CITED1: variants seen among roughly 807,000 people sequenced by gnomAD.
CITED1 encodes cbp/p300-interacting transactivator 1.
In CITED1, 3 loss-of-function variants were observed where a neutral mutation model predicts 8.5. The ratio of observed to expected loss-of-function variants is 0.35; its 90% CI spans 0.16 to 0.91. CITED1 has a LOEUF of 0.91. CITED1 is among the 40% of genes least tolerant of loss of function. The pLI is 0.46. For missense variants in CITED1, 113 were observed against 154.8 expected (o/e 0.73, Z 1.43); for synonymous variants, 54 against 67.4 (o/e 0.80, Z 0.97).
In CITED1 at chrX:72,302,909, T is replaced by A; in HGVS notation, c.-40A>T. ...AGAAGTTGGATAAATTGGCGGGAAGTGATGCTGCCAGCTGGAGCTGTTGTG... is the reference window on the plus strand; with the variant it reads ...AGAAGTTGGATAAATTGGCGGGAAGAGATGCTGCCAGCTGGAGCTGTTGTG... On this transcript the variant is annotated 5_prime_UTR_variant, in exon 2 of 3. Coordinates refer to ENST00000651998, the MANE Select transcript of CITED1 (RefSeq NM_001144887.2). 8.3e-7 allele frequency: 1 copy of A among 1,210,753 alleles called. No homozygotes were observed. The highest frequency in any genetic ancestry group is 2.2e-5 in the Admixed American group (1 of 46,027).
In CITED1 at chrX:72,301,744, C is replaced by A. The variant is rs773684544; in HGVS notation, c.561G>T (p.Ala187=). ...WLGQNEFDFT[A]DFPSSC is the part of the protein sequence containing the mutation. The stretch of plus-strand genomic sequence containing the variant: ...GGCATTAGCAGCTAGATGGAAAGTC[C>A]GCAGTGAAGTCAAACTCATTCTGCC... The change falls in exon 3 of 3, where the codon GCG becomes GCT. Residue 187 remains alanine, a synonymous_variant. Coordinates refer to ENST00000651998, the MANE Select transcript of CITED1 (RefSeq NM_001144887.2). The A allele has an allele frequency of 8.3e-7, 1 of 1,211,208 alleles. No individual in the cohort carries two copies. Among genetic ancestry groups the A allele is most frequent in the Non-Finnish European group, 1.1e-6 (1 of 895,018 alleles).
chrX:72,307,019 AC>A (rs765165865), upstream of CITED1: 1 of 107,540 alleles, frequency 9.3e-6, no homozygotes, highest in East Asian at 3.0e-4. Context: ...TGAACTGGAT[AC>A]TCACGGAGGG....
Position 72,302,160 on chromosome X carries a change from CA to C in CITED1, c.144del (p.Val50Ter). 1 of 1,199,380 alleles carries C rather than the reference CA, an allele frequency of 8.3e-7. No homozygotes were observed. Among genetic ancestry groups the C allele is most frequent in the Admixed American group, 2.3e-5 (1 of 44,278 alleles). On this transcript the variant is annotated frameshift_variant, in exon 3 of 3. Transcript: ENST00000651998. LOFTEE classifies it high-confidence loss of function. ...GCCTTGGTTCCATTTGAGGCTACCC[CA>C]GGGTAGTGCAGAATGGCCACTGCTT... Reference protein sequence around the residue: ...DRKAVAILHYPGVASNGTKAS... With the variant: ...DRKAVAILHYXGVASNGTKAS...
intron 1 of CITED1, among the ~76,000 whole-genome samples, chrX:72,303,451 A>C (rs1358688969): frequency 8.9e-6 from 1 of 112,215 alleles, no homozygotes; most frequent in African/African-American, 3.2e-5. Context: ...TGGAGCTCCA[A>C]AGCATGACCT....
At chrX:72,302,685 C>T (rs2043300733) in intron 2 of CITED1, 125 bp downstream of exon 2, 1 of 611,136 alleles carries the variant, frequency 1.6e-6, no homozygotes, top group South Asian at 2.8e-5. Flanking sequence ...TCTCATTCTC[C>T]CCAGAGATAG....
intron 1 of CITED1, chrX:72,305,210 G>A: frequency 1.2e-6 from 1 of 850,500 alleles, no homozygotes. Flanking sequence ...CCTAGACAGG[G>A]GTGGGAAGGG....
At chrX:72,306,742 C>A (rs1418137195), upstream of CITED1, 2 of 96,281 alleles carry the variant, frequency 2.1e-5, no homozygotes, top group African/African-American at 7.5e-5. Context: ...CCGCCCGCAG[C>A]TTCGGCGCCG....
intron 1 of CITED1, chrX:72,305,589 T>C: frequency 3.5e-6 from 1 of 286,352 alleles, no homozygotes; most frequent in East Asian, 6.8e-5. Flanking sequence ...CAGGAACTGA[T>C]CTTAGAGACA....
upstream of CITED1, chrX:72,306,376 C>A (rs2043339749): frequency 1.8e-5 from 2 of 111,318 alleles, no homozygotes; most frequent in African/African-American, 6.5e-5. Flanking sequence ...CTCCCCAGAA[C>A]CCTCCGGCCC....
At chrX:72,306,929 C>T (rs1210060937), upstream of CITED1, 1 of 109,729 alleles carries the variant, frequency 9.1e-6, no homozygotes, top group Non-Finnish European at 1.9e-5. Context: ...TTTTTCTCCC[C>T]TCAATTTCCA....
chrX:72,302,243 T>A lies in CITED1; in HGVS notation c.62A>T (p.Asp21Val). 1 of 1,203,785 alleles carries A rather than the reference T, an allele frequency of 8.3e-7. No homozygotes were observed. The highest frequency in any genetic ancestry group is 1.1e-6 in the Non-Finnish European group (1 of 890,715). The part of the protein sequence containing the change: ...VKGGTSPAKE[D>V]ANQEMSSVAY... ...CACGGAGCTCATCTCTTGGTTGGCATCCTAGAAGACAGAGAAAAGCACACC... is the reference window on the plus strand; with the variant it reads ...CACGGAGCTCATCTCTTGGTTGGCAACCTAGAAGACAGAGAAAAGCACACC... Residue 21 changes from aspartate to valine, a missense_variant and splice_region_variant, in exon 3 of 3, where the codon GAT (aspartate) becomes GTT (valine). By Grantham distance (152) the Asp-to-Val change is radical. Transcript: ENST00000651998.
upstream of CITED1, among the ~76,000 whole-genome samples, chrX:72,306,111 T>C (rs1010482350): frequency 8.9e-6 from 1 of 112,022 alleles, no homozygotes; most frequent in African/African-American, 3.2e-5. Context: ...TTCCCCGAAG[T>C]AAATCTGAGC....
chrX:72,302,280 G>A (rs777315941), intron 2 of CITED1, 36 bp from the exon 3 acceptor site: 2 of 1,174,938 alleles, frequency 1.7e-6, no homozygotes, highest in Non-Finnish European at 2.3e-6. Context: ...TAGTAACCCT[G>A]CTCCTGGCTT....
chrX:72,304,017 C>T (rs1405254508), intron 1 of CITED1: 2 of 254,087 alleles, frequency 7.9e-6, no homozygotes, highest in Non-Finnish European at 5.4e-6. Flanking sequence ...GAGTTTGATA[C>T]CAGGCTGGGC....
rs769972510 is a variant in CITED1 at position 72,301,680 on chromosome X, A to G, written c.*43T>C. The G allele has an allele frequency of 5.0e-6, 6 of 1,194,039 alleles. No individual in the cohort carries two copies. The highest frequency in any genetic ancestry group is 6.0e-5 in the East Asian group (2 of 33,604). On this transcript the variant is annotated 3_prime_UTR_variant, in exon 3 of 3. Transcript: ENST00000651998. ...AAGTAACTTTATTTTTATTTACAAC[A>G]GAATTGGTGGCTTTATTCCTCCATC... is the stretch of plus-strand genomic sequence containing the variant.
At chrX:72,306,664 C>CGCCGCGCCGCCGCTGCACCGCACAGT, upstream of CITED1, 1 of 110,108 alleles carries the variant, frequency 9.1e-6, no homozygotes, top group Non-Finnish European at 1.9e-5. Flanking sequence ...GCCCGCACCG[C>CGCCGCGCCGCCGCTGCACCGCACAGT]GCCGCGCCGC....
chrX:72,306,914 C>G (rs1569213566), upstream of CITED1: 1 of 107,713 alleles, frequency 9.3e-6, no homozygotes, highest in Non-Finnish European at 1.9e-5. Context: ...CTTTTTTTCC[C>G]TTTTTTTTTC....
intron 1 of CITED1, among the ~76,000 whole-genome samples, chrX:72,304,302 T>TG (rs1158574081): frequency 4.5e-5 from 5 of 110,956 alleles, no homozygotes; most frequent in South Asian, 7.8e-4. Flanking sequence ...CTTGGGTGGA[T>TG]GGGGGTAGGG....
Position 72,301,855 on chromosome X carries a change from C to T in CITED1, c.450G>A (p.Ser150=), listed in dbSNP as rs372014671. The T allele has an allele frequency of 6.1e-5, 74 of 1,210,269 alleles. 1 individual carries two copies. The South Asian group carries it at 9.0e-4, about 15-fold the overall frequency. The change falls in exon 3 of 3, where the codon TCG becomes TCA. Residue 150 remains serine (S), a synonymous_variant. Coordinates refer to ENST00000651998, the MANE Select transcript of CITED1 (RefSeq NM_001144887.2). ...AGAQSPAIID[S]DPVDEEVLMS... Reference sequence around the variant, plus strand: ...TCAGCACTTCCTCATCCACTGGGTCCGAATCGATGATAGCAGGGCTCTGGG... The same window carrying T: ...TCAGCACTTCCTCATCCACTGGGTCTGAATCGATGATAGCAGGGCTCTGGG...
Sources: gnomAD v4.1 joint callset for allele counts (sites outside exome capture counted in the v4.1 genomes callset) on GRCh38, gnomAD v4.1.1 for gene constraint, MANE v1.5 for transcripts, NCBI Gene and HGNC (gene_info 2026-07-23, HGNC 2026-07-21) for gene names.